The following DPP6 variants were observed in gnomAD, a reference collection of about 807,000 sequenced individuals.
The protein encoded by DPP6 is A-type potassium channel modulatory protein DPP6.
DPP6 carries 69 observed loss-of-function variants against 122.6 expected under a neutral mutation model. That is an observed-to-expected ratio of 0.56 (90% CI 0.46 to 0.69). The LOEUF (loss-of-function observed/expected upper bound fraction) is 0.69. Ranked by LOEUF, DPP6 falls within the 30% of genes least tolerant of loss-of-function variation. The pLI is 0.00. For synonymous variants in DPP6, 418 were observed against 433.1 expected (o/e 0.97, Z 0.43); for missense variants, 928 against 1,116.9 (o/e 0.83, Z 2.41).
In DPP6 at chr7:154,827,942, G is replaced by T. The variant is rs1584816704; in HGVS notation, c.1666+20830G>T. Among the ~76,000 whole-genome samples, 3 of 152,276 alleles carry T rather than the reference G, an allele frequency of 2.0e-5. No individual in the cohort carries two copies. The East Asian group carries it at 5.8e-4, about 29-fold the overall frequency. The stretch of plus-strand genomic sequence containing the variant: ...ACCCAGTTTCTCCCTGTTGGGGATG[G>T]AAGTCACACATATGGGGAGGTGGAA... On this transcript the variant is annotated intron_variant, in intron 16 of 25. Coordinates refer to ENST00000377770, the MANE Select transcript of DPP6 (RefSeq NM_130797.4).
At chr7:154,142,536 G>A (rs1795899517) in intron 1 of DPP6, among the ~76,000 whole-genome samples, 1 of 152,082 alleles carries the variant, frequency 6.6e-6, no homozygotes, top group African/African-American at 2.4e-5. Context: ...TTTATTCATT[G>A]CATCCCATCT....
At chr7:154,083,530 A>AT (rs1337362677) in intron 1 of DPP6, among the ~76,000 whole-genome samples, 10 of 149,812 alleles carry the variant, frequency 6.7e-5, no homozygotes, top group African/African-American at 2.2e-4. Context: ...TCTTCCTTTT[A>AT]TTTTTTAATA....
At chr7:154,889,430 C>A in intron 24 of DPP6, 27 bp from the exon 25 acceptor site, 3 of 1,567,676 alleles carry the variant, frequency 1.9e-6, no homozygotes, top group Non-Finnish European at 2.6e-6. Context: ...ATGTCTTCCT[C>A]TCTTTTTTTT....
chr7:154,486,585 T>C lies in DPP6; in HGVS notation c.457+11548T>C, dbSNP rs1212490690. ...TCCTCATGGCTTGACCCAAAATACA[T>C]TCTCTCTGATTTTCCAAATTAGAAT... On this transcript the variant is annotated intron_variant, in intron 3 of 25. Transcript: ENST00000377770. This position sits in a 1 kb window ranked among gnomAD's most constrained non-coding sequence, Gnocchi z 4.5. Among the ~76,000 whole-genome samples, 3 of 152,310 alleles carry C rather than the reference T, an allele frequency of 2.0e-5. No homozygotes were observed. The highest frequency in any genetic ancestry group is 6.5e-5 in the Admixed American group (1 of 15,300).
intron 1 of DPP6, among the ~76,000 whole-genome samples, chr7:154,396,442 G>C (rs1466465760): frequency 6.6e-6 from 1 of 152,278 alleles, no homozygotes; most frequent in East Asian, 1.9e-4. Flanking sequence ...AAGGGAGGGA[G>C]GGAAATAAGT....
At chr7:154,490,623 G>T (rs761109443) in intron 3 of DPP6, among the ~76,000 whole-genome samples, 2 of 152,212 alleles carry the variant, frequency 1.3e-5, no homozygotes, top group Non-Finnish European at 1.5e-5. Flanking sequence ...TTTGTGATCC[G>T]CAAAGACAAA....
intron 1 of DPP6, among the ~76,000 whole-genome samples, chr7:154,362,895 TG>T (rs765757707): frequency 5.9e-5 from 9 of 152,216 alleles, no homozygotes; most frequent in Non-Finnish European, 1.2e-4. Flanking sequence ...GGAGCTTGTT[TG>T]GAGTGGAGAC....
chr7:154,063,885 A>C (rs1426114069), intron 1 of DPP6, among the ~76,000 whole-genome samples: 1 of 151,318 alleles, frequency 6.6e-6, no homozygotes, highest in Admixed American at 6.6e-5. Flanking sequence ...AGTGAAGGAG[A>C]ATCATGTCAG....
At chr7:154,190,691 A>C (rs1374369490) in intron 1 of DPP6, among the ~76,000 whole-genome samples, 1 of 152,078 alleles carries the variant, frequency 6.6e-6, no homozygotes, top group Non-Finnish European at 1.5e-5. Context: ...TTTCTGAGCT[A>C]GGAGGAGAGA....
intron 1 of DPP6, among the ~76,000 whole-genome samples, chr7:154,079,183 A>G (rs1407940852): frequency 6.6e-6 from 1 of 152,188 alleles, no homozygotes; most frequent in Non-Finnish European, 1.5e-5. Context: ...GGACAGAGCT[A>G]GACTCCATCT....
At chr7:154,382,907 A>G (rs1330227718) in intron 1 of DPP6, among the ~76,000 whole-genome samples, 1 of 152,126 alleles carries the variant, frequency 6.6e-6, no homozygotes, top group Non-Finnish European at 1.5e-5. Context: ...TTGTATTTTT[A>G]GTAGAAATGG....
intron 1 of DPP6, among the ~76,000 whole-genome samples, chr7:154,098,391 A>G (rs1161966930): frequency 1.3e-5 from 2 of 152,200 alleles, no homozygotes; most frequent in African/African-American, 2.4e-5. Context: ...GTATGTCTTT[A>G]TTAGCTGTGT....
chr7:154,820,406 C>A (rs997715972), intron 16 of DPP6, among the ~76,000 whole-genome samples: 1 of 152,036 alleles, frequency 6.6e-6, no homozygotes, highest in African/African-American at 2.4e-5. Flanking sequence ...TCAAGACTTA[C>A]AATATTTACA....
At position 154,875,948 on chromosome 7, in the gene DPP6, G is replaced by A; in HGVS notation, c.1926G>A (p.Glu642=). 6.2e-7 allele frequency: 1 copy of A among 1,613,476 alleles called. No individual in the cohort carries two copies. Among genetic ancestry groups the A allele is most frequent in the Non-Finnish European group, 8.5e-7 (1 of 1,179,706 alleles). Residue 642 remains glutamate, a synonymous_variant, in exon 20 of 26, where the codon GAG becomes GAA. Coordinates refer to ENST00000377770, the MANE Select transcript of DPP6 (RefSeq NM_130797.4). This position sits in a 1 kb window ranked among gnomAD's most constrained non-coding sequence, Gnocchi z 4.5. Reference sequence around the variant, plus strand: ...GCCAGAGTGTGGCTGAGAAGTTCGAGGTGAGCTGGGAGACGGTGATGGTGA... The same window carrying A: ...GCCAGAGTGTGGCTGAGAAGTTCGAAGTGAGCTGGGAGACGGTGATGGTGA... ...PGSQSVAEKF[E]VSWETVMVSS... is the part of the protein sequence containing the mutation.
the DPP6 span, among the ~76,000 whole-genome samples, chr7:153,847,593 T>A: frequency 1.1e-4 from 17 of 152,306 alleles, 1 homozygote; most frequent in Admixed American, 9.8e-4. Context: ...CACCCTGAAT[T>A]TATGGAGATT....
intron 1 of DPP6, among the ~76,000 whole-genome samples, chr7:154,024,828 C>T (rs1286712808): frequency 6.6e-6 from 1 of 152,168 alleles, no homozygotes; most frequent in South Asian, 2.1e-4. Flanking sequence ...CCAGGTACCA[C>T]AGTCTGTGTA....
At chr7:154,779,947 C>CA (rs1796924258) in intron 10 of DPP6, among the ~76,000 whole-genome samples, 1 of 152,166 alleles carries the variant, frequency 6.6e-6, no homozygotes, top group African/African-American at 2.4e-5. Flanking sequence ...ATGTAAATTA[C>CA]AATTTCACAA....
At chr7:153,867,825 A>G in the DPP6 span, among the ~76,000 whole-genome samples, 4,040 of 152,266 alleles carry the variant, frequency 0.027, 157 homozygotes, top group African/African-American at 0.091. Context: ...GATACGTCCC[A>G]TCAATACCTA....
At chr7:154,845,466 A>G (rs558951201) in intron 16 of DPP6, among the ~76,000 whole-genome samples, 1 of 152,340 alleles carries the variant, frequency 6.6e-6, no homozygotes, top group Admixed American at 6.5e-5. Flanking sequence ...TGGACGAAGG[A>G]TGAGAGAGGG....
Sources: allele counts gnomAD v4.1 joint callset (sites outside exome capture counted in the v4.1 genomes callset), GRCh38; gene constraint gnomAD v4.1.1; non-coding constraint Gnocchi (gnomAD v3.1); transcripts MANE v1.5; gene names NCBI Gene and HGNC (gene_info 2026-07-23, HGNC 2026-07-21).